GLRA1: variants seen among roughly 807,000 people sequenced by gnomAD.
GLRA1 encodes the protein glycine receptor subunit alpha-1.
GLRA1 carries 37 observed loss-of-function variants against 48.3 expected under a neutral mutation model. The observed-to-expected ratio is 0.77, with a 90% CI of 0.59 to 1.01. GLRA1 has a LOEUF of 1.01. GLRA1 is among the 50% of genes least tolerant of loss of function. GLRA1 has a pLI of 0.00. For missense variants in GLRA1, 427 were observed against 571.0 expected, an observed-to-expected ratio of 0.75 and a Z score of 2.57; for synonymous variants, 196 against 210.7, an observed-to-expected ratio of 0.93 and a Z score of 0.60.
intron 1 of GLRA1, among the ~76,000 whole-genome samples, chr5:151,903,954 T>C (rs1754419600): frequency 6.6e-6 from 1 of 152,256 alleles, no homozygotes; most frequent in Non-Finnish European, 1.5e-5. Context: ...GCGCAAGTTT[T>C]GGAGCAGCTG....
chr5:151,887,399 A>G (rs979979890), intron 2 of GLRA1, among the ~76,000 whole-genome samples: 3 of 152,230 alleles, frequency 2.0e-5, no homozygotes, highest in Non-Finnish European at 4.4e-5. Context: ...ATGTTGTCTC[A>G]TTGAAGCCCA....
chr5:151,908,035 G>A (rs931401970), intron 1 of GLRA1, among the ~76,000 whole-genome samples: 2 of 152,224 alleles, frequency 1.3e-5, no homozygotes, highest in Non-Finnish European at 2.9e-5. Context: ...GGAAAAGGAG[G>A]AAGAGGTGAG....
chr5:151,844,896 G>A (rs1470883410), intron 7 of GLRA1, among the ~76,000 whole-genome samples: 4 of 152,116 alleles, frequency 2.6e-5, no homozygotes, highest in African/African-American at 9.7e-5. Context: ...TCTGGTGAGG[G>A]CCTCAGGCTG....
chr5:151,891,015 A>G (rs950416833), intron 2 of GLRA1, among the ~76,000 whole-genome samples: 1 of 152,198 alleles, frequency 6.6e-6, no homozygotes, highest in Non-Finnish European at 1.5e-5. Context: ...GGGACTTGAG[A>G]GCAGGGGGCA....
At chr5:151,834,286 C>T (rs1425298902) in intron 7 of GLRA1, among the ~76,000 whole-genome samples, 1 of 152,198 alleles carries the variant, frequency 6.6e-6, no homozygotes, top group Non-Finnish European at 1.5e-5. Flanking sequence ...TCTCAGACCA[C>T]AGCACAATCA....
At chr5:151,831,941 C>CA (rs1261447539) in intron 7 of GLRA1, among the ~76,000 whole-genome samples, 1 of 152,180 alleles carries the variant, frequency 6.6e-6, no homozygotes, top group African/African-American at 2.4e-5. Context: ...ATGAAGCTTC[C>CA]AGAGGAAGGA....
At chr5:151,917,815 C>G (rs1439159016) in intron 1 of GLRA1, among the ~76,000 whole-genome samples, 3 of 152,110 alleles carry the variant, frequency 2.0e-5, no homozygotes, top group Non-Finnish European at 4.4e-5. Context: ...TGGGGGTGAA[C>G]AGGTGGAAGA....
chr5:151,822,530 T>C lies in GLRA1; in HGVS notation c.*143A>G. 1 of 654,072 alleles carries C rather than the reference T, an allele frequency of 1.5e-6. No homozygotes were observed. Among genetic ancestry groups the C allele is most frequent in the Non-Finnish European group, 2.8e-6 (1 of 352,574 alleles). The allele number at this position is 654,072 out of a possible 1,614,324, so 40.5% of individuals were successfully genotyped here. On this transcript the variant is annotated 3_prime_UTR_variant, in exon 9 of 9. Coordinates refer to ENST00000274576, the MANE Select transcript of GLRA1 (RefSeq NM_000171.4). ...CCACATTGTAAAATTCATGCATCAC[T>C]GCATTTTGCTATTGCACATATTGCA...
intron 5 of GLRA1, among the ~76,000 whole-genome samples, 200 bp from the exon 6 acceptor site, chr5:151,855,377 C>T (rs567229888): frequency 1.3e-5 from 2 of 152,320 alleles, no homozygotes; most frequent in African/African-American, 4.8e-5. Context: ...TTCCACCTCT[C>T]TTCCCAACCT....
intron 7 of GLRA1, chr5:151,848,838 C>A: frequency 1.8e-6 from 1 of 544,716 alleles, no homozygotes; most frequent in Non-Finnish European, 3.5e-6. Context: ...ACTCTCATGG[C>A]CTACCTTTAC....
At chr5:151,879,401 C>T (rs556475491) in intron 3 of GLRA1, among the ~76,000 whole-genome samples, 6 of 151,990 alleles carry the variant, frequency 3.9e-5, no homozygotes, top group African/African-American at 1.4e-4. Context: ...CTTGCCCAGG[C>T]TGGAGTGCAG....
At chr5:151,833,796 C>CCAAAAA (rs1763490769) in intron 7 of GLRA1, among the ~76,000 whole-genome samples, 1 of 64,778 alleles carries the variant, frequency 1.5e-5, no homozygotes, top group Admixed American at 1.8e-4. Context: ...AAGTGGAAAG[C>CCAAAAA]AAAAAAAAAA....
intron 1 of GLRA1, among the ~76,000 whole-genome samples, chr5:151,907,403 C>T (rs577762025): frequency 1.3e-5 from 2 of 152,268 alleles, no homozygotes; most frequent in African/African-American, 4.8e-5. Flanking sequence ...TCTGCAGTGG[C>T]AGGTACATGC....
At chr5:151,829,165 A>G (rs944510777) in intron 7 of GLRA1, 98 bp from the exon 8 acceptor site, 4 of 1,151,922 alleles carry the variant, frequency 3.5e-6, no homozygotes, top group Admixed American at 3.6e-5. Context: ...AATTCCCCAC[A>G]TCACCCACTG....
intron 1 of GLRA1, among the ~76,000 whole-genome samples, chr5:151,906,382 C>A (rs937261493): frequency 1.3e-5 from 2 of 152,136 alleles, no homozygotes; most frequent in African/African-American, 4.8e-5. Flanking sequence ...CAGGAAATAC[C>A]GGATGTGGGC....
intron 7 of GLRA1, among the ~76,000 whole-genome samples, chr5:151,850,946 T>C (rs766875968): frequency 3.2e-4 from 48 of 152,212 alleles, no homozygotes; most frequent in Non-Finnish European, 5.4e-4. Flanking sequence ...AAATCTTAGC[T>C]GCAAATACAA....
chr5:151,913,195 AT>A (rs1754659456), intron 1 of GLRA1, among the ~76,000 whole-genome samples: 1 of 152,182 alleles, frequency 6.6e-6, no homozygotes, highest in Non-Finnish European at 1.5e-5. Context: ...TGAAGTTGTT[AT>A]TCTCAGTTTT....
chr5:151,862,049 A>G (rs961139072), intron 3 of GLRA1, among the ~76,000 whole-genome samples: 1 of 152,238 alleles, frequency 6.6e-6, no homozygotes, highest in African/African-American at 2.4e-5. Flanking sequence ...GACGACAGTA[A>G]CCAAAACAAC....
intron 1 of GLRA1, among the ~76,000 whole-genome samples, chr5:151,906,091 G>A: frequency 6.6e-6 from 1 of 152,088 alleles, no homozygotes; most frequent in East Asian, 1.9e-4. Flanking sequence ...TATTAGCTGT[G>A]TGATCTTAGG....
Sources: gnomAD v4.1 joint callset for allele counts (sites outside exome capture counted in the v4.1 genomes callset) on GRCh38, gnomAD v4.1.1 for gene constraint, MANE v1.5 for transcripts, NCBI Gene and HGNC (gene_info 2026-07-23, HGNC 2026-07-21) for gene names.